Variants in CCDC91 observed in about 807,000 individuals in gnomAD.
CCDC91 encodes coiled-coil domain containing 91.
Under a neutral mutation model 63.2 loss-of-function variants are expected in CCDC91, and 48 were observed. The observed-to-expected ratio is 0.76, with a 90% CI of 0.60 to 0.97. The LOEUF is 0.97. CCDC91 is among the 50% of genes least tolerant of loss of function. The probability of loss-of-function intolerance (pLI) is 0.00; values close to 1 mark genes in which losing one functional copy is unlikely to be tolerated. For missense variants in CCDC91, 500 were observed against 494.6 expected (o/e 1.01, Z -0.10); for synonymous variants, 167 against 165.8 (o/e 1.01, Z -0.06).
intron 6 of CCDC91, among the ~76,000 whole-genome samples, chr12:28,349,390 A>C (rs1592386112): frequency 1.3e-5 from 2 of 152,206 alleles, no homozygotes; most frequent in Non-Finnish European, 2.9e-5. Flanking sequence ...CTGTATAGTT[A>C]TAATGACGAG....
chr12:28,478,062 A>G (rs1951216281), intron 11 of CCDC91, among the ~76,000 whole-genome samples: 1 of 152,198 alleles, frequency 6.6e-6, no homozygotes, highest in Non-Finnish European at 1.5e-5. Context: ...ATTCAATGCC[A>G]TCTCCATCAA....
intron 12 of CCDC91, among the ~76,000 whole-genome samples, chr12:28,505,760 A>T (rs1401508102): frequency 6.6e-6 from 1 of 151,990 alleles, no homozygotes; most frequent in Admixed American, 6.6e-5. Context: ...CTTATTTAAG[A>T]TCTCAGGTGA....
At chr12:28,196,314 T>A (rs1227630359) in intron 1 of CCDC91, among the ~76,000 whole-genome samples, 3 of 151,476 alleles carry the variant, frequency 2.0e-5, no homozygotes, top group Non-Finnish European at 4.4e-5. Flanking sequence ...TTAATATTGA[T>A]CTTGAATTTT....
chr12:28,350,607 C>CA (rs1943117121), intron 6 of CCDC91, among the ~76,000 whole-genome samples: 2 of 152,182 alleles, frequency 1.3e-5, no homozygotes, highest in African/African-American at 4.8e-5. Context: ...CAAATTACCA[C>CA]AAACTTGGTG....
At chr12:28,390,940 T>C (rs118175603) in intron 7 of CCDC91, among the ~76,000 whole-genome samples, 29,038 of 144,286 alleles carry the variant, frequency 0.2, 3,675 homozygotes, top group Non-Finnish European at 0.3. Flanking sequence ...TTTTCTTTCT[T>C]TTTTTTTTTT....
intron 1 of CCDC91, chr12:28,225,690 A>T (rs1350676482): frequency 1.3e-5 from 2 of 152,556 alleles, no homozygotes; most frequent in African/African-American, 4.8e-5. Flanking sequence ...TCCTGACATC[A>T]GGTGATCCGG....
rs543649809 is a variant in CCDC91, at chr12:28,268,132, T to C, written c.109+8690T>C. On this transcript the variant is annotated intron_variant, in intron 3 of 12. Transcript: ENST00000536442. Reference sequence around the variant, plus strand: ...AGGCTGCAGTGCACTGGCACAATCTTGGCTCACTGCAACCTCTGCCTCACG... The same window carrying C: ...AGGCTGCAGTGCACTGGCACAATCTCGGCTCACTGCAACCTCTGCCTCACG... Among the ~76,000 whole-genome samples, 149 of 150,802 alleles carry C rather than the reference T, an allele frequency of 9.9e-4. 1 individual carries two copies. The highest frequency in any genetic ancestry group is 3.3e-3 in the African/African-American group (134 of 41,022).
intron 11 of CCDC91, among the ~76,000 whole-genome samples, chr12:28,467,003 T>G (rs900651035): frequency 3.9e-5 from 6 of 152,106 alleles, no homozygotes; most frequent in African/African-American, 1.2e-4. Context: ...GATTGCTTAT[T>G]TGTGCAAACA....
At chr12:28,529,815 A>G (rs866219346) in intron 12 of CCDC91, among the ~76,000 whole-genome samples, 2 of 152,180 alleles carry the variant, frequency 1.3e-5, no homozygotes, top group Non-Finnish European at 2.9e-5. Context: ...TTAATCTTCC[A>G]TATATGTCTT....
intron 8 of CCDC91, among the ~76,000 whole-genome samples, chr12:28,447,929 A>G (rs1336505966): frequency 1.3e-5 from 2 of 151,808 alleles, no homozygotes; most frequent in Admixed American, 1.3e-4. Flanking sequence ...CAATTTGTTC[A>G]GGAAACATCT....
intron 12 of CCDC91, among the ~76,000 whole-genome samples, chr12:28,515,018 T>A (rs528056413): frequency 1.2e-4 from 18 of 151,840 alleles, no homozygotes; most frequent in South Asian, 4.1e-4. Context: ...TCAACTTTTT[T>A]AAAAAAAGAA....
chr12:28,529,129 T>C (rs1346871075), intron 12 of CCDC91, among the ~76,000 whole-genome samples: 2 of 152,222 alleles, frequency 1.3e-5, no homozygotes, highest in African/African-American at 4.8e-5. Flanking sequence ...TGTACTTCTT[T>C]ATTTAAACAT....
At chr12:28,250,440 T>G (rs1946048271) in intron 1 of CCDC91, among the ~76,000 whole-genome samples, 2 of 152,156 alleles carry the variant, frequency 1.3e-5, no homozygotes, top group Admixed American at 1.3e-4. Flanking sequence ...CAATACTTCT[T>G]TAATTCAGCT....
chr12:28,195,916 A>G (rs571513022), intron 1 of CCDC91, among the ~76,000 whole-genome samples: 36 of 152,260 alleles, frequency 2.4e-4, no homozygotes, highest in Non-Finnish European at 4.1e-4. Context: ...AGCAGCTTGG[A>G]CAACATGGCA....
intron 3 of CCDC91, among the ~76,000 whole-genome samples, chr12:28,299,765 A>G (rs534601671): frequency 6.6e-6 from 1 of 151,654 alleles, no homozygotes; most frequent in East Asian, 1.9e-4. Context: ...TCATATATTT[A>G]AGGGCCTTTT....
intron 1 of CCDC91, among the ~76,000 whole-genome samples, chr12:28,250,778 TA>T (rs992050220): frequency 6.6e-6 from 1 of 151,710 alleles, no homozygotes; most frequent in East Asian, 1.9e-4. Context: ...TGCTGGAGGG[TA>T]AAAAAAAGAT....
chr12:28,398,283 A>G (rs1367053057), intron 8 of CCDC91, among the ~76,000 whole-genome samples: 1 of 152,014 alleles, frequency 6.6e-6, no homozygotes, highest in African/African-American at 2.4e-5. Context: ...ATTATATGGT[A>G]TCTATTCTTG....
chr12:28,314,662 G>C (rs1939657274), intron 6 of CCDC91, among the ~76,000 whole-genome samples: 1 of 151,990 alleles, frequency 6.6e-6, no homozygotes, highest in African/African-American at 2.4e-5. Flanking sequence ...CTCTGAAGAT[G>C]TATCTTTGTC....
chr12:28,250,239 CAG>C (rs1946032038), intron 1 of CCDC91, among the ~76,000 whole-genome samples: 1 of 152,042 alleles, frequency 6.6e-6, no homozygotes, highest in East Asian at 1.9e-4. Flanking sequence ...TTGGTAAAGA[CAG>C]ACTTAATTGA....
Sources: gnomAD v4.1 joint callset for allele counts (sites outside exome capture counted in the v4.1 genomes callset) on GRCh38, gnomAD v4.1.1 for gene constraint, MANE v1.5 for transcripts, NCBI Gene and HGNC (gene_info 2026-07-23, HGNC 2026-07-21) for gene names.